KCNAB1: variants seen among roughly 807,000 people sequenced by gnomAD.
KCNAB1 encodes voltage-gated potassium channel subunit beta-1.
A neutral mutation model predicts 64.6 loss-of-function variants in KCNAB1; 35 were observed. The ratio of observed to expected loss-of-function variants is 0.54; its 90% CI spans 0.41 to 0.72. The LOEUF (loss-of-function observed/expected upper bound fraction) is 0.72. Among genes scored for constraint, KCNAB1 ranks in the 30% least tolerant of loss-of-function variants. The pLI is 0.00. For synonymous variants in KCNAB1, 177 were observed against 183.8 expected (o/e 0.96, Z 0.30); for missense variants, 401 against 512.9 (o/e 0.78, Z 2.11).
intron 1 of KCNAB1, among the ~76,000 whole-genome samples, chr3:156,310,720 C>T (rs1259241690): frequency 2.6e-5 from 4 of 152,136 alleles, no homozygotes; most frequent in East Asian, 1.9e-4. Flanking sequence ...AGGAGAATGG[C>T]GTGAACTCAG....
intron 2 of KCNAB1, among the ~76,000 whole-genome samples, chr3:156,434,310 A>ACG (rs1716437296): frequency 6.6e-6 from 1 of 152,192 alleles, no homozygotes; most frequent in Non-Finnish European, 1.5e-5. Flanking sequence ...AGACAAGCTC[A>ACG]ACGACTTGAG....
At chr3:156,184,575 T>A (rs1363875754) in intron 1 of KCNAB1, among the ~76,000 whole-genome samples, 1 of 152,084 alleles carries the variant, frequency 6.6e-6, no homozygotes. Flanking sequence ...AAAGAGTGCC[T>A]GGAACAGCCA....
At chr3:156,207,117 C>A (rs1052684846) in intron 1 of KCNAB1, among the ~76,000 whole-genome samples, 2 of 152,208 alleles carry the variant, frequency 1.3e-5, no homozygotes, top group African/African-American at 4.8e-5. Flanking sequence ...CTTCTCTACC[C>A]TGCTCTGCAA....
Position 156,536,737 on chromosome 3 carries a change from A to G in KCNAB1, c.1250A>G (p.Tyr417Cys), listed in dbSNP as rs912731353. ...LRNKPYSKKD[Y>C]RS The stretch of plus-strand genomic sequence containing the variant: ...AACAAGCCCTACAGCAAGAAGGACT[A>G]TAGATCATAAGGCAATGCATGAACC... The change falls in exon 14 of 14, where the codon TAT becomes TGT. Residue 417 changes from tyrosine to cysteine, a missense_variant. By Grantham distance (194) the Tyr-to-Cys change is radical. Coordinates refer to ENST00000490337, the MANE Select transcript of KCNAB1 (RefSeq NM_172160.3). 5 of 1,606,554 alleles carry G rather than the reference A, an allele frequency of 3.1e-6. No individual in the cohort carries two copies. The highest frequency in any genetic ancestry group is 1.3e-5 in the African/African-American group (1 of 74,784).
chr3:156,423,751 G>C (rs888711430), intron 2 of KCNAB1, among the ~76,000 whole-genome samples: 1 of 152,198 alleles, frequency 6.6e-6, no homozygotes, highest in African/African-American at 2.4e-5. Flanking sequence ...GAGGGCTTGT[G>C]TTGGGCAGTT....
intron 1 of KCNAB1, among the ~76,000 whole-genome samples, chr3:156,285,423 A>G (rs1022923636): frequency 6.6e-6 from 1 of 151,740 alleles, no homozygotes; most frequent in Non-Finnish European, 1.5e-5. Flanking sequence ...TCTCAGTGCT[A>G]TGTCCAGGTT....
intron 7 of KCNAB1, among the ~76,000 whole-genome samples, chr3:156,473,572 C>T (rs114274891): frequency 6.6e-6 from 1 of 152,314 alleles, no homozygotes; most frequent in African/African-American, 2.4e-5. Flanking sequence ...GCCCTAATCT[C>T]TTCATCAAAG....
intron 1 of KCNAB1, among the ~76,000 whole-genome samples, chr3:156,214,806 G>C (rs1450550488): frequency 1.3e-5 from 2 of 152,196 alleles, no homozygotes; most frequent in Non-Finnish European, 2.9e-5. Flanking sequence ...TTCCCAGTGA[G>C]TGTAATAAAG....
chr3:156,358,206 A>G (rs915419178), intron 1 of KCNAB1, among the ~76,000 whole-genome samples: 13 of 152,216 alleles, frequency 8.5e-5, no homozygotes, highest in African/African-American at 2.9e-4. Context: ...TTATTTTAAA[A>G]GATTAAAACT....
chr3:156,305,884 C>T (rs554425161), intron 1 of KCNAB1, among the ~76,000 whole-genome samples: 2 of 152,100 alleles, frequency 1.3e-5, no homozygotes, highest in Non-Finnish European at 2.9e-5. Context: ...GTGTGGGGTC[C>T]TTGGGAGACA....
chr3:156,332,637 C>T (rs1293961131), intron 1 of KCNAB1, among the ~76,000 whole-genome samples: 1 of 152,174 alleles, frequency 6.6e-6, no homozygotes, highest in Non-Finnish European at 1.5e-5. Flanking sequence ...AAACTTCCAC[C>T]TGCCCTAGAG....
chr3:156,200,671 C>T lies in KCNAB1; in HGVS notation c.275+79785C>T, dbSNP rs575245637. ...CAGATGCCCCTCCCCTCACCAAGCT[C>T]GATCATCCCAGGTCAACTTCAGACT... is the stretch of plus-strand genomic sequence containing the variant. On this transcript the variant is annotated intron_variant, in intron 1 of 13. Coordinates refer to ENST00000490337, the MANE Select transcript of KCNAB1 (RefSeq NM_172160.3). Among the ~76,000 whole-genome samples the T allele has an allele frequency of 2.3e-4, 35 of 152,268 alleles. No individual in the cohort carries two copies. The East Asian group carries it at 6.2e-3, about 27-fold the overall frequency.
At chr3:156,129,436 A>T (rs1560099816) in intron 1 of KCNAB1, among the ~76,000 whole-genome samples, 2 of 152,292 alleles carry the variant, frequency 1.3e-5, no homozygotes, top group East Asian at 3.9e-4. Context: ...TTGTGGTATT[A>T]GCCAGTTAGA....
chr3:156,233,340 C>T (rs749559482), intron 1 of KCNAB1, among the ~76,000 whole-genome samples: 11 of 152,076 alleles, frequency 7.2e-5, no homozygotes, highest in Non-Finnish European at 1.5e-4. Context: ...AGGAAGGTCT[C>T]GCTGAGAAGA....
Position 156,501,476 on chromosome 3 carries a change from C to A in KCNAB1, c.659-12888C>A, listed in dbSNP as rs141305285. On this transcript the variant is annotated intron_variant, in intron 8 of 13. Coordinates refer to ENST00000490337, the MANE Select transcript of KCNAB1 (RefSeq NM_172160.3). ...GAGGAGTCTCGCTCTGTTGCCCAGG[C>A]TGGAAATCGCAATGATGTGGTCTTG... is the stretch of plus-strand genomic sequence containing the variant. Among the ~76,000 whole-genome samples the A allele has an allele frequency of 3.1e-3, 384 of 122,160 alleles. 8 individuals carry two copies. In the East Asian group the frequency reaches 0.044, roughly 14 times the overall value. 80.1% of individuals were successfully genotyped at this position (122,160 alleles called of 152,430 possible).
rs556893817 is a variant in KCNAB1, at chr3:156,531,579, C to G, written c.1170+82C>G. 2.0e-5 allele frequency: 20 copies of G among 1,020,962 alleles called. No homozygotes were observed. In the African/African-American group the frequency reaches 3.0e-4, roughly 15 times the overall value. 63.2% of individuals were successfully genotyped at this position (1,020,962 alleles called of 1,614,324 possible). On this transcript the variant is annotated intron_variant, in intron 13 of 13. Transcript: ENST00000490337. ...CTCCAGGCAGTGTCCCATCTCTCCC[C>G]CTCTCTGTCCTGGGTGGGGCAAGAG...
intron 1 of KCNAB1, chr3:156,176,683 G>A: frequency 9.5e-7 from 1 of 1,049,256 alleles, no homozygotes; most frequent in Non-Finnish European, 1.5e-6. Context: ...ATCGGTTGGG[G>A]GTGGAACTTG....
intron 1 of KCNAB1, among the ~76,000 whole-genome samples, chr3:156,210,258 C>T (rs1714932638): frequency 6.6e-6 from 1 of 152,120 alleles, no homozygotes; most frequent in South Asian, 2.1e-4. Context: ...GCAGGGCCTC[C>T]ATTTTACTTG....
intron 1 of KCNAB1, among the ~76,000 whole-genome samples, chr3:156,263,512 A>G (rs1301814883): frequency 1.3e-5 from 2 of 152,026 alleles, no homozygotes; most frequent in Non-Finnish European, 2.9e-5. Flanking sequence ...GAACCCTTTT[A>G]ATATAGTAAG....
Sources: allele counts gnomAD v4.1 joint callset (sites outside exome capture counted in the v4.1 genomes callset), GRCh38; gene constraint gnomAD v4.1.1; transcripts MANE v1.5; gene names NCBI Gene and HGNC (gene_info 2026-07-23, HGNC 2026-07-21).